Variants in NKAIN1 observed in about 807,000 individuals in gnomAD.
The protein encoded by NKAIN1 is sodium/potassium transporting ATPase interacting 1.
NKAIN1 carries 13 observed loss-of-function variants against 31.6 expected under a neutral mutation model. That is an observed-to-expected ratio of 0.41 (90% CI 0.27 to 0.65). The LOEUF is 0.65. Among genes scored for constraint, NKAIN1 ranks in the 30% least tolerant of loss-of-function variants. The pLI is 0.30. For missense variants in NKAIN1, 193 were observed against 262.2 expected, an observed-to-expected ratio of 0.74 and a Z score of 1.82; for synonymous variants, 104 against 109.0, an observed-to-expected ratio of 0.95 and a Z score of 0.28.
Position 31,181,621 on chromosome 1 carries a change from G to A in NKAIN1, c.*82C>T. On this transcript the variant is annotated 3_prime_UTR_variant, in exon 7 of 7. Transcript: ENST00000373736. ...GCAGTGAGCGCGCGGGCCACCAGGG[G>A]GACACGCCTGCGCCTTGGCCCGAGC... 3.0e-6 allele frequency: 4 copies of A among 1,340,434 alleles called. No homozygotes were observed. Among genetic ancestry groups the A allele is most frequent in the Non-Finnish European group, 2.9e-6 (3 of 1,019,806 alleles). The allele number at this position is 1,340,434 out of a possible 1,614,324, so 83.0% of individuals were successfully genotyped here.
At chr1:31,213,185 A>C (rs1645484221) in intron 1 of NKAIN1, among the ~76,000 whole-genome samples, 1 of 151,958 alleles carries the variant, frequency 6.6e-6, no homozygotes, top group Admixed American at 6.6e-5. Context: ...TTTGCCAATC[A>C]TACATCTAAT....
At chr1:31,222,067 C>T (rs1645569504) in intron 1 of NKAIN1, among the ~76,000 whole-genome samples, 1 of 152,086 alleles carries the variant, frequency 6.6e-6, no homozygotes, top group Non-Finnish European at 1.5e-5. Flanking sequence ...TTAGTAGAGA[C>T]AGGGTTTCGC....
intron 1 of NKAIN1, among the ~76,000 whole-genome samples, chr1:31,232,293 G>A (rs1414972314): frequency 2.0e-5 from 3 of 147,076 alleles, no homozygotes; most frequent in Non-Finnish European, 4.5e-5. Context: ...GTTTCACCAT[G>A]TTGGTCAGGC....
At chr1:31,203,339 G>T (rs1645398071) in intron 1 of NKAIN1, among the ~76,000 whole-genome samples, 2 of 39,036 alleles carry the variant, frequency 5.1e-5, no homozygotes, top group Non-Finnish European at 4.4e-4. Flanking sequence ...AGGGGTCACA[G>T]TCAATGACAG....
chr1:31,218,187 C>A lies in NKAIN1; in HGVS notation c.54+21307G>T, dbSNP rs532369450. Among the ~76,000 whole-genome samples the A allele has an allele frequency of 5.9e-5, 9 of 151,886 alleles. No homozygotes were observed. The South Asian group carries it at 1.9e-3, about 32-fold the overall frequency. ...AAGCAATTCTCCTGCCTCAGCCTCCCGGGTAGCTGGGACTACAGGTGCACA... is the reference window on the plus strand; with the variant it reads ...AAGCAATTCTCCTGCCTCAGCCTCCAGGGTAGCTGGGACTACAGGTGCACA... On this transcript the variant is annotated intron_variant, in intron 1 of 6. Transcript: ENST00000373736.
chr1:31,224,195 T>A (rs1417540761), intron 1 of NKAIN1, among the ~76,000 whole-genome samples: 1 of 152,156 alleles, frequency 6.6e-6, no homozygotes, highest in Admixed American at 6.5e-5. Flanking sequence ...AGCAGCCCCC[T>A]TCCCTCCCTC....
intron 5 of NKAIN1, 133 bp downstream of exon 5, chr1:31,182,397 C>A: frequency 1.1e-6 from 1 of 934,542 alleles, no homozygotes; most frequent in South Asian, 1.5e-5. Flanking sequence ...TCCATACCAG[C>A]CGCCTCTTCC....
chr1:31,227,144 C>G (rs1645614408), intron 1 of NKAIN1, among the ~76,000 whole-genome samples: 1 of 152,190 alleles, frequency 6.6e-6, no homozygotes, highest in Admixed American at 6.6e-5. Context: ...CTTTTTACCC[C>G]TTTATGAGTT....
intron 1 of NKAIN1, among the ~76,000 whole-genome samples, chr1:31,219,169 G>A (rs1645542227): frequency 6.6e-6 from 1 of 152,262 alleles, no homozygotes; most frequent in African/African-American, 2.4e-5. Context: ...GGTCTGGTAG[G>A]CCAGGCTGTG....
At chr1:31,194,780 T>C (rs948186802) in intron 1 of NKAIN1, among the ~76,000 whole-genome samples, 3 of 142,596 alleles carry the variant, frequency 2.1e-5, no homozygotes, top group African/African-American at 7.8e-5. Flanking sequence ...TTTTTTTTTT[T>C]TTTTTTTTTG....
chr1:31,191,290 C>CAAA (rs1261608850), intron 1 of NKAIN1, among the ~76,000 whole-genome samples: 1 of 94,638 alleles, frequency 1.1e-5, no homozygotes, highest in Non-Finnish European at 2.2e-5. Context: ...GACTCTGTCT[C>CAAA]AAAAAAAAAA....
At chr1:31,222,292 CA>C (rs1300756459) in intron 1 of NKAIN1, among the ~76,000 whole-genome samples, 2 of 152,224 alleles carry the variant, frequency 1.3e-5, no homozygotes, top group African/African-American at 4.8e-5. Flanking sequence ...TCCAGCTGGA[CA>C]GAGCTGCTGT....
intron 1 of NKAIN1, among the ~76,000 whole-genome samples, chr1:31,199,762 G>T (rs551180611): frequency 6.7e-4 from 102 of 152,270 alleles, no homozygotes; most frequent in Admixed American, 1.2e-3. Context: ...AAGAAGATGG[G>T]CCCAGTAAGG....
At chr1:31,214,579 G>C (rs766224903) in intron 1 of NKAIN1, among the ~76,000 whole-genome samples, 2 of 152,178 alleles carry the variant, frequency 1.3e-5, no homozygotes, top group Non-Finnish European at 2.9e-5. Context: ...TTGTGCATGC[G>C]TGTGTGTGCA....
At chr1:31,231,116 T>C (rs1188997494) in intron 1 of NKAIN1, among the ~76,000 whole-genome samples, 1 of 151,980 alleles carries the variant, frequency 6.6e-6, no homozygotes, top group South Asian at 2.1e-4. Context: ...ACTCCTGACC[T>C]CAAGTGATCC....
At chr1:31,225,061 C>T (rs1339539824) in intron 1 of NKAIN1, among the ~76,000 whole-genome samples, 2 of 81,262 alleles carry the variant, frequency 2.5e-5, no homozygotes, top group Admixed American at 9.4e-5. Flanking sequence ...CGGACTCTCA[C>T]TTCATTGCCA....
intron 1 of NKAIN1, among the ~76,000 whole-genome samples, chr1:31,206,832 C>G (rs1020357862): frequency 6.6e-6 from 1 of 152,146 alleles, no homozygotes; most frequent in Non-Finnish European, 1.5e-5. Context: ...CTCTGAGCCT[C>G]AAGAGATCCT....
chr1:31,200,289 C>T (rs1645369535), intron 1 of NKAIN1, among the ~76,000 whole-genome samples: 1 of 152,114 alleles, frequency 6.6e-6, no homozygotes, highest in Non-Finnish European at 1.5e-5. Context: ...CAAACGCGTG[C>T]GACTGTAAAC....
In NKAIN1 at chr1:31,195,515, T is replaced by C. The variant is rs117837093; in HGVS notation, c.55-7328A>G. On this transcript the variant is annotated intron_variant, in intron 1 of 6. Transcript: ENST00000373736. ...TCTGGATCCAGCTCCTCCTGTCTTC[T>C]CAGGAGCCCACACCATCCACAGTCC... Among the ~76,000 whole-genome samples, 647 of 152,094 alleles carry C rather than the reference T, an allele frequency of 4.3e-3. 38 individuals are homozygous for C. In the East Asian group the frequency reaches 0.099, roughly 23 times the overall value.
Sources: gnomAD v4.1 joint callset for allele counts (sites outside exome capture counted in the v4.1 genomes callset) on GRCh38, gnomAD v4.1.1 for gene constraint, MANE v1.5 for transcripts, NCBI Gene and HGNC (gene_info 2026-07-23, HGNC 2026-07-21) for gene names.